The following SPPL3 variants were observed in gnomAD, a reference collection of about 807,000 sequenced individuals.
SPPL3 encodes signal peptide peptidase-like 3.
A neutral mutation model predicts 42.4 loss-of-function variants in SPPL3; 5 were observed. That is an observed-to-expected ratio of 0.12 (90% CI 0.06 to 0.25). SPPL3 has a LOEUF of 0.25. Among genes scored for constraint, SPPL3 ranks in the 10% least tolerant of loss-of-function variants. The pLI is 1.00. For missense variants in SPPL3, 235 were observed against 489.0 expected, an observed-to-expected ratio of 0.48 and a Z score of 4.90; for synonymous variants, 195 against 181.8, an observed-to-expected ratio of 1.07 and a Z score of -0.58.
intron 1 of SPPL3, among the ~76,000 whole-genome samples, chr12:120,862,211 T>C (rs1400073706): frequency 6.6e-6 from 1 of 152,222 alleles, no homozygotes; most frequent in African/African-American, 2.4e-5. Context: ...CATTATACAT[T>C]AACATAAATT....
intron 6 of SPPL3, among the ~76,000 whole-genome samples, chr12:120,773,955 C>T (rs183218003): frequency 6.6e-6 from 1 of 152,268 alleles, no homozygotes; most frequent in Admixed American, 6.5e-5. Flanking sequence ...ATCCTAACTG[C>T]GCAGGAGCCT....
intron 3 of SPPL3, among the ~76,000 whole-genome samples, chr12:120,789,646 GA>G (rs1279397290): frequency 6.6e-6 from 1 of 150,976 alleles, no homozygotes; most frequent in Non-Finnish European, 1.5e-5. Flanking sequence ...CCAACACTGT[GA>G]AACCCCATCT....
intron 1 of SPPL3, among the ~76,000 whole-genome samples, chr12:120,850,956 T>A (rs1356694905): frequency 6.6e-6 from 1 of 152,094 alleles, no homozygotes; most frequent in Non-Finnish European, 1.5e-5. Context: ...TCCAGGATAA[T>A]CTCATCTCAA....
At chr12:120,900,586 CCT>C (rs1338824727) in intron 1 of SPPL3, among the ~76,000 whole-genome samples, 15 of 141,182 alleles carry the variant, frequency 1.1e-4, no homozygotes, top group African/African-American at 3.3e-4. Context: ...AAAGTGAGAC[CCT>C]GTCTCAAGGA....
At chr12:120,859,240 A>G (rs932328602) in intron 1 of SPPL3, among the ~76,000 whole-genome samples, 5 of 152,172 alleles carry the variant, frequency 3.3e-5, no homozygotes, top group African/African-American at 1.2e-4. Context: ...AAATCCAAAA[A>G]TCCAAAATCC....
intron 1 of SPPL3, among the ~76,000 whole-genome samples, chr12:120,824,627 C>T (rs1282882175): frequency 1.3e-5 from 2 of 152,146 alleles, no homozygotes; most frequent in African/African-American, 2.4e-5. Context: ...CCTCCTTGGG[C>T]TCAGGTGATC....
At chr12:120,874,425 C>A (rs1192877797) in intron 1 of SPPL3, among the ~76,000 whole-genome samples, 1 of 142,306 alleles carries the variant, frequency 7.0e-6, no homozygotes, top group South Asian at 2.2e-4. Context: ...TGCACTCCAG[C>A]CTAGATGACA....
intron 1 of SPPL3, among the ~76,000 whole-genome samples, chr12:120,878,106 G>GT (rs1307141103): frequency 6.6e-6 from 1 of 151,934 alleles, no homozygotes; most frequent in African/African-American, 2.4e-5. Context: ...AAAATAAAAT[G>GT]TATTTCTACA....
rs190925814 is a variant in SPPL3, at chr12:120,861,658, C to T, written c.23+42187G>A. Among the ~76,000 whole-genome samples the T allele has an allele frequency of 1.1e-3, 163 of 152,220 alleles. 1 individual carries two copies. Among genetic ancestry groups the T allele is most frequent in the Admixed American group, 9.1e-3 (139 of 15,280 alleles). ...TCCTGGTTTATCTGGCAGGGGAGTA[C>T]GCTGACTGATATTACTCAGTATACA... is the stretch of plus-strand genomic sequence containing the variant. On this transcript the variant is annotated intron_variant, in intron 1 of 10. Transcript: ENST00000353487.
intron 1 of SPPL3, chr12:120,902,083 C>G (rs1874000134): frequency 4.8e-6 from 1 of 207,612 alleles, no homozygotes; most frequent in Non-Finnish European, 8.4e-6. Context: ...ATTTCTTACT[C>G]TGTCCAGAAG....
At chr12:120,870,617 C>T (rs961784101) in intron 1 of SPPL3, among the ~76,000 whole-genome samples, 2 of 151,904 alleles carry the variant, frequency 1.3e-5, no homozygotes, top group Admixed American at 1.3e-4. Context: ...AAAAATGTGG[C>T]CTATCTATAC....
intron 1 of SPPL3, among the ~76,000 whole-genome samples, chr12:120,828,842 G>A (rs748841936): frequency 3.9e-5 from 6 of 152,082 alleles, no homozygotes; most frequent in Non-Finnish European, 5.9e-5. Flanking sequence ...CTACAGCTTC[G>A]AACTCCTGGG....
intron 1 of SPPL3, among the ~76,000 whole-genome samples, chr12:120,820,098 G>A (rs1334285071): frequency 6.6e-6 from 1 of 152,092 alleles, no homozygotes; most frequent in Non-Finnish European, 1.5e-5. Flanking sequence ...TTACCCATAA[G>A]CTCTGGCTAT....
rs567539889 is a variant in SPPL3, at chr12:120,903,975, TGCTCGCTC to T, written c.-116_-109del. ...GGCCGGGGTCCGGTGCTTGCTTGCTTGCTCGCTCGCTGGCTCGCTGGCTGCACGGCGGG... is the reference window on the plus strand; with the variant it reads ...GGCCGGGGTCCGGTGCTTGCTTGCTTGCTGGCTCGCTGGCTGCACGGCGGG... On this transcript the variant is annotated 5_prime_UTR_variant, in exon 1 of 11. Transcript: ENST00000353487. The T allele has an allele frequency of 2.1e-6, 2 of 969,488 alleles. No individual in the cohort carries two copies. Among genetic ancestry groups the T allele is most frequent in the African/African-American group, 1.7e-5 (1 of 58,132 alleles). 60.1% of individuals were successfully genotyped at this position (969,488 alleles called of 1,614,324 possible). A position where few individuals can be genotyped will look rare whatever the true frequency, so the allele number is the denominator to read the frequency against.
At chr12:120,820,348 C>T (rs999022309) in intron 1 of SPPL3, among the ~76,000 whole-genome samples, 7 of 134,290 alleles carry the variant, frequency 5.2e-5, no homozygotes, top group African/African-American at 1.7e-4. Context: ...AAGAGTCTCG[C>T]TCTGTCGCCC....
Position 120,781,555 on chromosome 12 carries a change from G to GTGTTTTTTTTTTTTTTTTTTTTT in SPPL3, c.502+1099_502+1100insAAAAAAAAAAAAAAAAAAAAACA, listed in dbSNP as rs1869541007. On this transcript the variant is annotated intron_variant, in intron 6 of 10. Transcript: ENST00000353487. Reference sequence around the variant, plus strand: ...TCTAATCCCATCTCCTTATTGTTACGTTTTTTTTTTTTTTTTTTTTTTTTT... The same window carrying GTGTTTTTTTTTTTTTTTTTTTTT: ...TCTAATCCCATCTCCTTATTGTTACGTGTTTTTTTTTTTTTTTTTTTTTTTTTTTTTTTTTTTTTTTTTTTTTT... Among the ~76,000 whole-genome samples the GTGTTTTTTTTTTTTTTTTTTTTT allele has an allele frequency of 4.8e-5, 3 of 62,994 alleles. 1 individual carries two copies. Among genetic ancestry groups the GTGTTTTTTTTTTTTTTTTTTTTT allele is most frequent in the Admixed American group, 2.0e-4 (1 of 5,022 alleles). 41.3% of individuals were successfully genotyped at this position (62,994 alleles called of 152,430 possible). A position where few individuals can be genotyped will look rare whatever the true frequency, so the allele number is the denominator to read the frequency against.
intron 2 of SPPL3, among the ~76,000 whole-genome samples, chr12:120,796,472 C>T (rs961480620): frequency 2.0e-5 from 3 of 152,202 alleles, no homozygotes; most frequent in Admixed American, 2.0e-4. Flanking sequence ...ATACTAACAT[C>T]TGTGTCAGTT....
intron 1 of SPPL3, among the ~76,000 whole-genome samples, chr12:120,842,858 A>G (rs1402482271): frequency 6.6e-6 from 1 of 152,190 alleles, no homozygotes. Flanking sequence ...CAGTATTGAA[A>G]ACAGAGGCCT....
chr12:120,843,384 C>A (rs908167222), intron 1 of SPPL3, among the ~76,000 whole-genome samples: 1 of 152,138 alleles, frequency 6.6e-6, no homozygotes. Context: ...TGAGAATGTG[C>A]GTGTCAAGAT....
Sources: gnomAD v4.1 joint callset for allele counts (sites outside exome capture counted in the v4.1 genomes callset) on GRCh38, gnomAD v4.1.1 for gene constraint, MANE v1.5 for transcripts, NCBI Gene and HGNC (gene_info 2026-07-23, HGNC 2026-07-21) for gene names.